ZNF708: variants seen among roughly 807,000 people sequenced by gnomAD.
ZNF708 encodes ZNF15, ZNF15L1.
ZNF708 carries 44 observed loss-of-function variants against 47.0 expected under a neutral mutation model. The observed-to-expected ratio is 0.94, with a 90% CI of 0.74 to 1.20. ZNF708 has a LOEUF of 1.20. Among genes scored for constraint, ZNF708 ranks in the 50% most tolerant of loss-of-function variants. The pLI is 0.00. For synonymous variants in ZNF708, 184 were observed against 218.5 expected (o/e 0.84, Z 1.39); for missense variants, 557 against 656.0 (o/e 0.85, Z 1.65).
In ZNF708 at chr19:21,293,749, G is replaced by A. The variant is rs1972453252; in HGVS notation, c.1217C>T (p.Thr406Ile). The change falls in exon 4 of 4, where the codon ACT (threonine) becomes ATT (isoleucine). Residue 406 changes from threonine to isoleucine, a missense_variant. Thr to Ile is a moderately conservative substitution (Grantham distance 89). Transcript: ENST00000356929. ...ECGKAFTKSS[T>I]LTYHKVIHTG... is the part of the protein sequence containing the mutation. Reference sequence around the variant, plus strand: ...ATGAATTACCTTATGATAAGTAAGAGTTGAGGACTTGGTAAAGGCTTTACC... The same window carrying A: ...ATGAATTACCTTATGATAAGTAAGAATTGAGGACTTGGTAAAGGCTTTACC... The A allele has an allele frequency of 3.7e-6, 6 of 1,608,886 alleles. No individual in the cohort carries two copies. Among genetic ancestry groups the A allele is most frequent in the Non-Finnish European group, 4.2e-6 (5 of 1,178,358 alleles).
At chr19:21,307,207 C>A (rs993278178) in intron 3 of ZNF708, among the ~76,000 whole-genome samples, 1 of 150,752 alleles carries the variant, frequency 6.6e-6, no homozygotes, top group African/African-American at 2.4e-5. Context: ...GGAATTACAA[C>A]TATCCAAGCC....
chr19:21,302,611 A>G (rs1972682654), intron 3 of ZNF708, among the ~76,000 whole-genome samples: 1 of 152,062 alleles, frequency 6.6e-6, no homozygotes, highest in Non-Finnish European at 1.5e-5. Flanking sequence ...AGGCAGGAGA[A>G]TTGCTTGAAC....
chr19:21,325,747 G>A (rs1421612769), intron 1 of ZNF708, among the ~76,000 whole-genome samples: 5 of 151,936 alleles, frequency 3.3e-5, no homozygotes, highest in South Asian at 2.1e-4. Context: ...GTTTTTACAC[G>A]GCAAAAAGAA....
chr19:21,294,345 C>G lies in ZNF708; in HGVS notation c.621G>C (p.Lys207Asn). Residue 207 changes from lysine (K) to asparagine (N), a missense_variant, in exon 4 of 4, where the codon AAG (lysine) becomes AAC (asparagine). Lys to Asn is a moderately conservative substitution (Grantham distance 94). Transcript: ENST00000356929. The part of the protein sequence containing the change: ...KCEECGKAFK[K>N]SSNLTNHKII... Reference sequence around the variant, plus strand: ...TCTTATGATTCGTAAGGTTTGAGGACTTTTTAAAAGCTTTGCCACATTCTT... The same window carrying G: ...TCTTATGATTCGTAAGGTTTGAGGAGTTTTTAAAAGCTTTGCCACATTCTT... 6.2e-7 allele frequency: 1 copy of G among 1,612,956 alleles called. No individual in the cohort carries two copies. Among genetic ancestry groups the G allele is most frequent in the Non-Finnish European group, 8.5e-7 (1 of 1,179,642 alleles).
chr19:21,312,563 T>G (rs1309288838), intron 1 of ZNF708, among the ~76,000 whole-genome samples: 1 of 152,190 alleles, frequency 6.6e-6, no homozygotes, highest in African/African-American at 2.4e-5. Context: ...GGCTGTGTAA[T>G]CCTAATGAGA....
At chr19:21,313,668 G>A (rs1413326540) in intron 1 of ZNF708, among the ~76,000 whole-genome samples, 2 of 150,422 alleles carry the variant, frequency 1.3e-5, no homozygotes, top group Admixed American at 6.7e-5. Flanking sequence ...TGAGGCAGGA[G>A]AATTGTTTGA....
At chr19:21,308,794 T>C (rs762915846) in intron 3 of ZNF708, among the ~76,000 whole-genome samples, 6 of 152,086 alleles carry the variant, frequency 3.9e-5, no homozygotes, top group Non-Finnish European at 8.8e-5. Context: ...TTTCAAACTA[T>C]ATTTCAAGCC....
chr19:21,305,235 T>C (rs911685611), intron 3 of ZNF708, among the ~76,000 whole-genome samples: 3 of 151,622 alleles, frequency 2.0e-5, no homozygotes, highest in Admixed American at 2.0e-4. Flanking sequence ...GGTCTCGATC[T>C]CTTGACCTTG....
chr19:21,300,284 C>G (rs1361096091), intron 3 of ZNF708, among the ~76,000 whole-genome samples: 1 of 149,932 alleles, frequency 6.7e-6, no homozygotes, highest in African/African-American at 2.5e-5. Flanking sequence ...CTGAGGCGGG[C>G]AGATCACATG....
At chr19:21,298,762 T>C (rs1406451539) in intron 3 of ZNF708, among the ~76,000 whole-genome samples, 1 of 152,190 alleles carries the variant, frequency 6.6e-6, no homozygotes, top group Non-Finnish European at 1.5e-5. Context: ...GTCATTTGCT[T>C]ACCCATAATT....
chr19:21,309,431 G>C, intron 2 of ZNF708, 90 bp from the exon 3 acceptor site: 5 of 1,230,200 alleles, frequency 4.1e-6, no homozygotes, highest in Non-Finnish European at 5.5e-6. Flanking sequence ...ATGTAGGCCA[G>C]GCACAGTGGC....
rs1270997230 is a variant in ZNF708 at position 21,291,867 on chromosome 19, G to T, written c.*1407C>A. 1 of 151,764 alleles carries T rather than the reference G, an allele frequency of 6.6e-6. No individual in the cohort carries two copies. The highest frequency in any genetic ancestry group is 2.4e-5 in the African/African-American group (1 of 41,312). 9.4% of individuals were successfully genotyped at this position (151,764 alleles called of 1,614,324 possible). ...ACGACAGAGAGAGACTCTGTCTCAA[G>T]GAAAACAAACAAACAAAAAAAGTAT... On this transcript the variant is annotated 3_prime_UTR_variant, in exon 4 of 4. Coordinates refer to ENST00000356929, the MANE Select transcript of ZNF708 (RefSeq NM_021269.3).
intron 1 of ZNF708, among the ~76,000 whole-genome samples, chr19:21,312,452 A>C (rs1378732032): frequency 6.6e-6 from 1 of 152,150 alleles, no homozygotes; most frequent in Non-Finnish European, 1.5e-5. Flanking sequence ...AGACAGAGTG[A>C]GACTCCATCT....
rs1327440519 is a variant in ZNF708 at position 21,292,617 on chromosome 19, A to G, written c.*657T>C. The G allele has an allele frequency of 6.6e-6, 1 of 152,382 alleles. No homozygotes were observed. The highest frequency in any genetic ancestry group is 1.5e-5 in the Non-Finnish European group (1 of 68,252). The allele number at this position is 152,382 out of a possible 1,614,324, so 9.4% of individuals were successfully genotyped here. A position where few individuals can be genotyped will look rare whatever the true frequency, so the allele number is the denominator to read the frequency against. On this transcript the variant is annotated 3_prime_UTR_variant, in exon 4 of 4. Transcript: ENST00000356929. ...CTGTGATACAAATAAAGGTATTACA[A>G]TCCTCTTTTATTTGTAATGTTTGTC...
At chr19:21,315,574 G>A (rs1030036113) in intron 1 of ZNF708, among the ~76,000 whole-genome samples, 3 of 152,184 alleles carry the variant, frequency 2.0e-5, no homozygotes, top group Non-Finnish European at 2.9e-5. Flanking sequence ...CTTGAGGATT[G>A]TAACCTGGGA....
Position 21,293,209 on chromosome 19 carries a change from T to C in ZNF708, c.*65A>G. ...CCACATTTATCACATTTGTAGGATT[T>C]CTCTCCAGTATGAATTATCTTGTGT... On this transcript the variant is annotated 3_prime_UTR_variant, in exon 4 of 4. Transcript: ENST00000356929. 6.5e-7 allele frequency: 1 copy of C among 1,536,298 alleles called. No individual in the cohort carries two copies. Among genetic ancestry groups the C allele is most frequent in the South Asian group, 1.2e-5 (1 of 83,366 alleles).
intron 3 of ZNF708, among the ~76,000 whole-genome samples, chr19:21,296,846 T>C (rs1436288965): frequency 1.3e-5 from 2 of 151,528 alleles, no homozygotes; most frequent in Non-Finnish European, 2.9e-5. Context: ...AAATAAATAA[T>C]TAGTGGCCAG....
intron 1 of ZNF708, among the ~76,000 whole-genome samples, chr19:21,322,921 T>C (rs1206483787): frequency 1.3e-5 from 2 of 152,220 alleles, no homozygotes; most frequent in African/African-American, 4.8e-5. Context: ...TGGGCCCATT[T>C]ACATTTCTGA....
At chr19:21,323,944 A>G (rs1188107872) in intron 1 of ZNF708, among the ~76,000 whole-genome samples, 1 of 152,212 alleles carries the variant, frequency 6.6e-6, no homozygotes, top group Non-Finnish European at 1.5e-5. Flanking sequence ...TTGGTCTTTG[A>G]AACTTAAGTG....
Sources: gnomAD v4.1 joint callset for allele counts (sites outside exome capture counted in the v4.1 genomes callset) on GRCh38, gnomAD v4.1.1 for gene constraint, MANE v1.5 for transcripts, NCBI Gene and HGNC (gene_info 2026-07-23, HGNC 2026-07-21) for gene names.